HACE1: variants seen among roughly 807,000 people sequenced by gnomAD.
HACE1 encodes HECT domain and ankyrin repeat containing E3 ubiquitin protein ligase 1.
In HACE1, 73 loss-of-function variants were observed where a neutral mutation model predicts 118.4. The observed-to-expected ratio is 0.62, with a 90% confidence interval of 0.51 to 0.75. The LOEUF (loss-of-function observed/expected upper bound fraction) is 0.75. Among genes scored for constraint, HACE1 ranks in the 30% least tolerant of loss-of-function variants. The probability of loss-of-function intolerance (pLI) is 0.00; values close to 1 mark genes in which losing one functional copy is unlikely to be tolerated. For synonymous variants in HACE1, 368 were observed against 374.8 expected, an observed-to-expected ratio of 0.98 and a Z score of 0.21; for missense variants, 749 against 1,102.2, an observed-to-expected ratio of 0.68 and a Z score of 4.54.
At chr6:104,741,895 A>T (rs545768842) in intron 22 of HACE1, among the ~76,000 whole-genome samples, 1,754 of 151,388 alleles carry the variant, frequency 0.012, 15 homozygotes, top group Non-Finnish European at 0.018. Flanking sequence ...GCATCACACT[A>T]CCTGACTTCA....
chr6:104,825,725 G>C (rs1468225225), intron 6 of HACE1, among the ~76,000 whole-genome samples: 5 of 152,176 alleles, frequency 3.3e-5, no homozygotes, highest in African/African-American at 4.8e-5. Context: ...TCTGTATCCA[G>C]AACCTTGAGC....
chr6:104,855,384 A>AATGAGCCGAG (rs1003257709), intron 1 of HACE1, among the ~76,000 whole-genome samples: 2 of 152,120 alleles, frequency 1.3e-5, no homozygotes, highest in Non-Finnish European at 2.9e-5. Flanking sequence ...CAGAGCTTGC[A>AATGAGCCGAG]ATGAGCCGAG....
At chr6:104,854,664 T>C (rs1035620550) in intron 1 of HACE1, among the ~76,000 whole-genome samples, 1 of 152,028 alleles carries the variant, frequency 6.6e-6, no homozygotes, top group African/African-American at 2.4e-5. Context: ...ACAAACTGTA[T>C]ATGGACTTGG....
At chr6:104,846,087 A>C (rs962975578) in intron 4 of HACE1, among the ~76,000 whole-genome samples, 1 of 152,218 alleles carries the variant, frequency 6.6e-6, no homozygotes, top group East Asian at 1.9e-4. Context: ...GAAGAAAAGC[A>C]GTAATCTATA....
chr6:104,769,844 CT>C lies in HACE1; in HGVS notation c.2211+1348del, dbSNP rs996585073. The stretch of plus-strand genomic sequence containing the variant: ...GACTTTATTTCCAAGAATTCAATCT[CT>C]TTTTTTTGTACACTATAGTATCTTA... On this transcript the variant is annotated intron_variant, in intron 19 of 23. Coordinates refer to ENST00000262903, the MANE Select transcript of HACE1 (RefSeq NM_020771.4). Among the ~76,000 whole-genome samples, 3 of 151,824 alleles carry C rather than the reference CT, an allele frequency of 2.0e-5. No individual in the cohort carries two copies. In the South Asian group the frequency reaches 6.2e-4, roughly 32 times the overall value.
chr6:104,856,208 T>A (rs1257335363), intron 1 of HACE1, among the ~76,000 whole-genome samples: 1 of 152,176 alleles, frequency 6.6e-6, no homozygotes, highest in Admixed American at 6.5e-5. Flanking sequence ...GCCATTTTTA[T>A]CACTACAGTT....
intron 22 of HACE1, among the ~76,000 whole-genome samples, chr6:104,737,619 A>T (rs1205025606): frequency 6.6e-6 from 1 of 152,142 alleles, no homozygotes; most frequent in Non-Finnish European, 1.5e-5. Context: ...CGCTTTTCCG[A>T]TGGGCTTAAA....
intron 1 of HACE1, among the ~76,000 whole-genome samples, chr6:104,856,024 CTG>C (rs1276357523): frequency 2.0e-5 from 3 of 152,290 alleles, no homozygotes; most frequent in East Asian, 3.9e-4. Context: ...CTAACCACAA[CTG>C]TGGTGCTAGA....
chr6:104,818,374 C>T (rs1166307801), intron 6 of HACE1, among the ~76,000 whole-genome samples: 2 of 152,034 alleles, frequency 1.3e-5, no homozygotes, highest in Non-Finnish European at 2.9e-5. Context: ...GTGTTCACTA[C>T]TGTTATAGAA....
intron 11 of HACE1, among the ~76,000 whole-genome samples, chr6:104,791,275 A>G (rs1182946426): frequency 6.6e-6 from 1 of 152,230 alleles, no homozygotes; most frequent in Non-Finnish European, 1.5e-5. Context: ...TTAGAATAAA[A>G]CACCAATGGA....
intron 6 of HACE1, among the ~76,000 whole-genome samples, chr6:104,817,207 G>C (rs1213724236): frequency 6.6e-6 from 1 of 152,134 alleles, no homozygotes; most frequent in Non-Finnish European, 1.5e-5. Flanking sequence ...ATGAGATTTG[G>C]GAGGGGTTAG....
At chr6:104,752,710 A>C (rs1015249645) in intron 19 of HACE1, among the ~76,000 whole-genome samples, 4 of 152,048 alleles carry the variant, frequency 2.6e-5, no homozygotes, top group Admixed American at 6.6e-5. Flanking sequence ...TTTACCAATT[A>C]ATTCCTATTA....
chr6:104,770,998 C>T (rs1305545532), intron 19 of HACE1, among the ~76,000 whole-genome samples, 195 bp downstream of exon 19: 2 of 152,176 alleles, frequency 1.3e-5, no homozygotes, highest in Non-Finnish European at 2.9e-5. Flanking sequence ...CTCAGCACAG[C>T]TAGCACAATT....
chr6:104,843,882 T>C (rs1415673890), intron 4 of HACE1, among the ~76,000 whole-genome samples: 2 of 152,072 alleles, frequency 1.3e-5, no homozygotes, highest in Non-Finnish European at 1.5e-5. Context: ...TTTTTTTTTT[T>C]TTTGAGACAG....
chr6:104,847,608 C>CTCTGTTT (rs1216414161), intron 4 of HACE1, among the ~76,000 whole-genome samples: 2 of 152,092 alleles, frequency 1.3e-5, no homozygotes, highest in African/African-American at 4.8e-5. Context: ...GTCTTTTTTG[C>CTCTGTTT]TCTGTTTTAA....
chr6:104,852,218 TGTGTGTGTGTGC>T (rs1562514606), intron 2 of HACE1, 87 bp downstream of exon 2: 17 of 709,642 alleles, frequency 2.4e-5, no homozygotes, highest in Admixed American at 4.0e-5. Context: ...TGTGTGTGTG[TGTGTGTGTGTGC>T]GCGCGTGCGC....
intron 6 of HACE1, among the ~76,000 whole-genome samples, chr6:104,828,852 C>T (rs1246429594): frequency 6.6e-6 from 1 of 151,996 alleles, no homozygotes; most frequent in Non-Finnish European, 1.5e-5. Flanking sequence ...CACTTCTTGT[C>T]ATTGAAGCAA....
At chr6:104,779,473 T>C (rs1781521425) in intron 14 of HACE1, among the ~76,000 whole-genome samples, 1 of 152,246 alleles carries the variant, frequency 6.6e-6, no homozygotes, top group African/African-American at 2.4e-5. Flanking sequence ...AAGTTAAATG[T>C]GTAATTTTGT....
At chr6:104,797,766 T>G (rs1433336523) in intron 7 of HACE1, among the ~76,000 whole-genome samples, 1 of 152,020 alleles carries the variant, frequency 6.6e-6, no homozygotes, top group African/African-American at 2.4e-5. Flanking sequence ...TGTTAACAGC[T>G]GATTCTTAAG....
Sources: allele counts gnomAD v4.1 joint callset (sites outside exome capture counted in the v4.1 genomes callset), GRCh38; gene constraint gnomAD v4.1.1; transcripts MANE v1.5; gene names NCBI Gene and HGNC (gene_info 2026-07-23, HGNC 2026-07-21).